Variants in DNAH7 observed in about 807,000 individuals in gnomAD.
DNAH7 encodes axonemal beta dynein heavy chain 7.
DNAH7 carries 397 observed loss-of-function variants against 444.6 expected under a neutral mutation model. That is an observed-to-expected ratio of 0.89 (90% CI 0.82 to 0.97). The LOEUF is 0.97. Among genes scored for constraint, DNAH7 ranks in the 50% least tolerant of loss-of-function variants. The probability of loss-of-function intolerance (pLI) is 0.00; values close to 1 mark genes in which losing one functional copy is unlikely to be tolerated. For synonymous variants in DNAH7, 1,636 were observed against 1,624.4 expected, an observed-to-expected ratio of 1.01 and a Z score of -0.17; for missense variants, 4,902 against 4,800.8, an observed-to-expected ratio of 1.02 and a Z score of -0.62.
At chr2:195,912,599 T>C (rs1315730135) in intron 24 of DNAH7, among the ~76,000 whole-genome samples, 2 of 152,164 alleles carry the variant, frequency 1.3e-5, no homozygotes, top group African/African-American at 4.8e-5. Flanking sequence ...AGAAGGCATT[T>C]TCCACAGGTG....
At chr2:195,893,253 T>C (rs1702121452) in intron 30 of DNAH7, 1 of 135,842 alleles carries the variant, frequency 7.4e-6, no homozygotes. Context: ...CCCGGCAGAA[T>C]AGTAATCTTC....
intron 33 of DNAH7, among the ~76,000 whole-genome samples, chr2:195,887,789 C>T (rs1486824276): frequency 1.3e-5 from 2 of 152,072 alleles, no homozygotes; most frequent in African/African-American, 2.4e-5. Flanking sequence ...AGGAGATTCC[C>T]ATTTCCTTGT....
chr2:196,017,371 T>A (rs978365827), intron 9 of DNAH7, among the ~76,000 whole-genome samples: 7 of 152,170 alleles, frequency 4.6e-5, no homozygotes, highest in Non-Finnish European at 7.3e-5. Context: ...TATAAAAACT[T>A]AATAAATTCC....
chr2:195,794,220 C>G, intron 57 of DNAH7, 118 bp downstream of exon 57: 1 of 828,056 alleles, frequency 1.2e-6, no homozygotes, highest in South Asian at 1.6e-5. Context: ...ACCTACTGCA[C>G]TGCGGTGCAG....
At position 196,026,073 on chromosome 2, in the gene DNAH7, G is replaced by T. The variant is rs550050219; in HGVS notation, c.667+687C>A. Among the ~76,000 whole-genome samples the T allele has an allele frequency of 6.6e-5, 10 of 152,262 alleles. No homozygotes were observed. In the South Asian group the frequency reaches 2.1e-3, roughly 32 times the overall value. ...TACCATGGGTCAACAAATTATTTAT[G>T]TAAAGGGTTAGACTGTAACTATTTT... is the stretch of plus-strand genomic sequence containing the variant. On this transcript the variant is annotated intron_variant, in intron 7 of 64. Transcript: ENST00000312428.
rs1478717310 is a variant in DNAH7, at chr2:195,876,772, C to A, written c.5962-73G>T. On this transcript the variant is annotated intron_variant, in intron 36 of 64. Transcript: ENST00000312428. ...ACATTTCAGAATAAACACTAAGCAT[C>A]ATTACTGATAGACTCGAATTTAACC... 3 of 1,035,230 alleles carry A rather than the reference C, an allele frequency of 2.9e-6. No homozygotes were observed. In the Admixed American group the frequency reaches 6.6e-5, roughly 23 times the overall value. 64.1% of individuals were successfully genotyped at this position (1,035,230 alleles called of 1,614,324 possible).
intron 12 of DNAH7, among the ~76,000 whole-genome samples, chr2:195,991,627 T>G (rs1054426903): frequency 2.0e-5 from 3 of 152,216 alleles, no homozygotes; most frequent in Non-Finnish European, 4.4e-5. Flanking sequence ...ACAACTGCTA[T>G]GCAGAACCCT....
At chr2:195,747,872 C>T (rs1693526724) in intron 63 of DNAH7, among the ~76,000 whole-genome samples, 1 of 152,142 alleles carries the variant, frequency 6.6e-6, no homozygotes, top group Non-Finnish European at 1.5e-5. Flanking sequence ...AACCCACAGC[C>T]AATATCATAC....
intron 19 of DNAH7, among the ~76,000 whole-genome samples, chr2:195,952,406 TG>T (rs1165435272): frequency 6.6e-6 from 1 of 152,114 alleles, no homozygotes; most frequent in Non-Finnish European, 1.5e-5. Context: ...CTATGTGTCT[TG>T]GGGTTGCTCT....
chr2:195,834,161 T>A, intron 48 of DNAH7, 45 bp downstream of exon 48: 1 of 1,554,208 alleles, frequency 6.4e-7, no homozygotes, highest in Non-Finnish European at 8.8e-7. Flanking sequence ...AATTGTGCCC[T>A]CTCCAGGCAG....
Position 195,759,627 on chromosome 2 carries a change from T to G in DNAH7, c.11434-3342A>C, listed in dbSNP as rs112183189. ...CCAATTCCAGGCCTTGGCTCCTGGATGGCATTTCTGGAAAGGAGTTCAAGA... is the reference window on the plus strand; with the variant it reads ...CCAATTCCAGGCCTTGGCTCCTGGAGGGCATTTCTGGAAAGGAGTTCAAGA... On this transcript the variant is annotated intron_variant, in intron 61 of 64. Transcript: ENST00000312428. Among the ~76,000 whole-genome samples the G allele has an allele frequency of 2.6e-3, 402 of 152,114 alleles. 1 individual carries two copies. The highest frequency in any genetic ancestry group is 9.5e-3 in the African/African-American group (396 of 41,500).
chr2:195,862,251 G>A (rs1700063445), intron 41 of DNAH7, among the ~76,000 whole-genome samples: 1 of 152,116 alleles, frequency 6.6e-6, no homozygotes, highest in African/African-American at 2.4e-5. Context: ...GTCTATTTCT[G>A]TATGCATTTT....
At chr2:195,866,621 G>GT (rs1700356161) in intron 40 of DNAH7, among the ~76,000 whole-genome samples, 3 of 152,210 alleles carry the variant, frequency 2.0e-5, no homozygotes, top group Non-Finnish European at 4.4e-5. Context: ...CTCAAAGACA[G>GT]TCAACACATC....
chr2:196,028,532 C>G (rs796108077), intron 5 of DNAH7, among the ~76,000 whole-genome samples: 1 of 152,216 alleles, frequency 6.6e-6, no homozygotes, highest in African/African-American at 2.4e-5. Context: ...GACATGGAAG[C>G]TTTTATGTGC....
intron 35 of DNAH7, among the ~76,000 whole-genome samples, chr2:195,883,251 TC>T (rs2125182194): frequency 6.6e-6 from 1 of 152,080 alleles, no homozygotes; most frequent in Admixed American, 6.5e-5. Flanking sequence ...ATTGAGACCA[TC>T]CTGGCTAACA....
chr2:195,866,628 C>T (rs912804205), intron 40 of DNAH7, among the ~76,000 whole-genome samples: 5 of 152,244 alleles, frequency 3.3e-5, no homozygotes, highest in African/African-American at 1.2e-4. Flanking sequence ...ACAGTCAACA[C>T]ATCTGCATTA....
Position 196,047,345 on chromosome 2 carries a change from A to G in DNAH7, c.398+7T>C. 1.9e-6 allele frequency: 3 copies of G among 1,570,586 alleles called. No individual in the cohort carries two copies. Among genetic ancestry groups the G allele is most frequent in the African/African-American group, 1.4e-5 (1 of 73,608 alleles). Reference sequence around the variant, plus strand: ...GTAACACGTAATGGTTAGCCTATACAACTTACATAATGACATTAACAAGAG... The same window carrying G: ...GTAACACGTAATGGTTAGCCTATACGACTTACATAATGACATTAACAAGAG... On this transcript the variant is annotated splice_region_variant and intron_variant, in intron 5 of 64. Transcript: ENST00000312428.
At chr2:195,842,238 C>A (rs1186029854) in intron 47 of DNAH7, among the ~76,000 whole-genome samples, 1 of 152,046 alleles carries the variant, frequency 6.6e-6, no homozygotes, top group African/African-American at 2.4e-5. Flanking sequence ...TATCACTAAT[C>A]TTTGAAATTC....
intron 9 of DNAH7, among the ~76,000 whole-genome samples, chr2:196,015,769 C>T (rs186101440): frequency 1.3e-5 from 2 of 152,312 alleles, no homozygotes; most frequent in East Asian, 1.9e-4. Context: ...TCAAGGTCTG[C>T]TGAGATTCAG....
Sources: allele counts gnomAD v4.1 joint callset (sites outside exome capture counted in the v4.1 genomes callset), GRCh38; gene constraint gnomAD v4.1.1; transcripts MANE v1.5; gene names NCBI Gene and HGNC (gene_info 2026-07-23, HGNC 2026-07-21).